PTPRN2: variants seen among roughly 807,000 people sequenced by gnomAD.
The protein encoded by PTPRN2 is receptor-type tyrosine-protein phosphatase N2.
PTPRN2 carries 74 observed loss-of-function variants against 118.8 expected under a neutral mutation model. The observed-to-expected ratio is 0.62, with a 90% CI of 0.52 to 0.76. The LOEUF (loss-of-function observed/expected upper bound fraction) is 0.76, where lower values mean the gene tolerates loss of function less well. Among genes scored for constraint, PTPRN2 ranks in the 30% least tolerant of loss-of-function variants. The pLI, the probability that PTPRN2 is intolerant of heterozygous loss-of-function variation, is 0.00. For missense variants in PTPRN2, 1,481 were observed against 1,394.4 expected, an observed-to-expected ratio of 1.06 and a Z score of -0.99; for synonymous variants, 641 against 608.0, an observed-to-expected ratio of 1.05 and a Z score of -0.80.
intron 2 of PTPRN2, among the ~76,000 whole-genome samples, chr7:158,419,515 T>C (rs1215206090): frequency 6.6e-6 from 1 of 151,910 alleles, no homozygotes; most frequent in Non-Finnish European, 1.5e-5. Flanking sequence ...CACAGACCCT[T>C]CCACATGGGA....
Position 157,618,828 on chromosome 7 carries a change from G to C in PTPRN2, c.2344+2534C>G, listed in dbSNP as rs1802966223. ...TTGCCGTTCTCTGTCTTCCCTGGTG[G>C]CCTCTCAACCCTGAAGGGCAGTGCT... is the stretch of plus-strand genomic sequence containing the variant. On this transcript the variant is annotated intron_variant, in intron 15 of 22. Coordinates refer to ENST00000389418, the MANE Select transcript of PTPRN2 (RefSeq NM_002847.5). The surrounding 1 kb of genome is among the most constrained non-coding windows in gnomAD (Gnocchi z 4.2). The C allele has an allele frequency of 6.6e-6, 1 of 151,830 alleles. No individual in the cohort carries two copies. The highest frequency in any genetic ancestry group is 1.5e-5 in the Non-Finnish European group (1 of 67,876). 9.4% of individuals were successfully genotyped at this position (151,830 alleles called of 1,614,324 possible). A position where few individuals can be genotyped will look rare whatever the true frequency, so the allele number is the denominator to read the frequency against.
chr7:157,692,627 C>G (rs1797562721), intron 12 of PTPRN2, among the ~76,000 whole-genome samples: 1 of 152,212 alleles, frequency 6.6e-6, no homozygotes, highest in Non-Finnish European at 1.5e-5. Flanking sequence ...AGCTCCAGGG[C>G]AAAGAAGTGG....
chr7:158,475,947 C>T (rs1820222756), intron 2 of PTPRN2, among the ~76,000 whole-genome samples: 1 of 152,218 alleles, frequency 6.6e-6, no homozygotes, highest in Non-Finnish European at 1.5e-5. Context: ...AAATCCAGGG[C>T]TGCACATCTG....
At chr7:158,577,989 G>A (rs1189322146) in intron 1 of PTPRN2, among the ~76,000 whole-genome samples, 3 of 152,202 alleles carry the variant, frequency 2.0e-5, no homozygotes, top group Non-Finnish European at 2.9e-5. Context: ...CAGGCCAGAG[G>A]GCAAAGCAAG....
At chr7:158,410,779 T>C (rs1309165201) in intron 2 of PTPRN2, among the ~76,000 whole-genome samples, 2 of 149,092 alleles carry the variant, frequency 1.3e-5, no homozygotes, top group African/African-American at 5.0e-5. Flanking sequence ...TTGACGTCCC[T>C]GTAGGGAGAG....
chr7:157,964,654 G>A lies in PTPRN2; in HGVS notation c.1724-65917C>T, dbSNP rs543855075. Reference sequence around the variant, plus strand: ...ACACCCTGTGATGGCCTTACTTGGCGTGTGGAGCTGTGACCACCAGGGCCA... The same window carrying A: ...ACACCCTGTGATGGCCTTACTTGGCATGTGGAGCTGTGACCACCAGGGCCA... On this transcript the variant is annotated intron_variant, in intron 11 of 22. Transcript: ENST00000389418. The surrounding 1 kb of genome is among the most constrained non-coding windows in gnomAD (Gnocchi z 9.0). Among the ~76,000 whole-genome samples the A allele has an allele frequency of 3.2e-4, 48 of 152,306 alleles. No individual in the cohort carries two copies. The highest frequency in any genetic ancestry group is 6.5e-4 in the African/African-American group (27 of 41,568).
chr7:158,193,905 C>CA (rs56234740), intron 4 of PTPRN2, among the ~76,000 whole-genome samples: 1,874 of 123,794 alleles, frequency 0.015, 18 homozygotes, highest in South Asian at 0.034. Flanking sequence ...GGCTCTGTCT[C>CA]AAAAAAAAAA....
At chr7:157,727,888 T>C (rs1461487446) in intron 12 of PTPRN2, among the ~76,000 whole-genome samples, 3 of 152,276 alleles carry the variant, frequency 2.0e-5, no homozygotes, top group Middle Eastern at 3.4e-3. Flanking sequence ...CCTGCACTGC[T>C]GCATCTCTGG....
At chr7:158,270,856 CCCCACCT>C (rs1798362891) in intron 3 of PTPRN2, among the ~76,000 whole-genome samples, 3 of 70,306 alleles carry the variant, frequency 4.3e-5, no homozygotes, top group African/African-American at 1.2e-4. Context: ...TGGACCGCCC[CCCCACCT>C]GGACCGCCCC....
intron 2 of PTPRN2, among the ~76,000 whole-genome samples, chr7:158,334,103 CTG>C (rs1563159330): frequency 1.3e-5 from 1 of 74,906 alleles, no homozygotes; most frequent in Admixed American, 1.6e-4. Flanking sequence ...GAGGTGACAC[CTG>C]CAGACGTCAC....
intron 12 of PTPRN2, among the ~76,000 whole-genome samples, chr7:157,689,454 C>A (rs1225213815): frequency 6.6e-6 from 1 of 152,210 alleles, no homozygotes; most frequent in Non-Finnish European, 1.5e-5. Context: ...CGGGGCCCCT[C>A]TCCCAGCCGT....
intron 3 of PTPRN2, among the ~76,000 whole-genome samples, chr7:158,253,681 G>A (rs1796835660): frequency 6.6e-6 from 1 of 152,218 alleles, no homozygotes; most frequent in Non-Finnish European, 1.5e-5. Context: ...CAAGACTGGG[G>A]ACTTCCTTGA....
chr7:158,138,223 C>T, intron 7 of PTPRN2, 71 bp downstream of exon 7: 1 of 1,393,580 alleles, frequency 7.2e-7, no homozygotes, highest in Non-Finnish European at 9.9e-7. Context: ...AGCCAGCAGT[C>T]TCTGCACAGC....
intron 13 of PTPRN2, among the ~76,000 whole-genome samples, chr7:157,656,816 CATACACACACACAT>C (rs1334462659): frequency 8.0e-6 from 1 of 125,318 alleles, no homozygotes; most frequent in Non-Finnish European, 1.8e-5. Context: ...TACAAACACA[CATACACACACACAT>C]ATACACACAC....
chr7:158,019,087 G>A (rs10949689), intron 11 of PTPRN2, among the ~76,000 whole-genome samples: 91,744 of 151,984 alleles, frequency 0.6, 28,378 homozygotes, highest in East Asian at 0.76. Context: ...ATGAGATACC[G>A]TGTAACTGTA....
chr7:158,545,465 C>T (rs1826223684), intron 1 of PTPRN2, among the ~76,000 whole-genome samples: 1 of 152,216 alleles, frequency 6.6e-6, no homozygotes. Flanking sequence ...TCCTTTTCTG[C>T]ACCCTTCCAG....
intron 11 of PTPRN2, among the ~76,000 whole-genome samples, chr7:158,046,307 C>T (rs144311262): frequency 0.011 from 1,441 of 134,372 alleles, 9 homozygotes; most frequent in Non-Finnish European, 0.015. Flanking sequence ...CCTGACGCTG[C>T]GATCCTGGCA....
chr7:157,716,768 C>T lies in PTPRN2; in HGVS notation c.1789-33831G>A, dbSNP rs574451099. Among the ~76,000 whole-genome samples, 2 of 56,604 alleles carry T rather than the reference C, an allele frequency of 3.5e-5. 1 individual carries two copies. The highest frequency in any genetic ancestry group is 1.9e-4 in the African/African-American group (2 of 10,518). 37.1% of individuals were successfully genotyped at this position (56,604 alleles called of 152,430 possible). A position where few individuals can be genotyped will look rare whatever the true frequency, so the allele number is the denominator to read the frequency against. ...ACACTGCCTGGTCACACAGACTCTG[C>T]GGGAACACTGCCTGGCCACGTAGAC... On this transcript the variant is annotated intron_variant, in intron 12 of 22. Coordinates refer to ENST00000389418, the MANE Select transcript of PTPRN2 (RefSeq NM_002847.5).
At chr7:157,682,227 C>T (rs967335940) in intron 13 of PTPRN2, among the ~76,000 whole-genome samples, 11 of 152,060 alleles carry the variant, frequency 7.2e-5, no homozygotes, top group South Asian at 4.1e-4. Context: ...CTCATGGGGA[C>T]GCGTGTGGGT....
Sources: gnomAD v4.1 joint callset for allele counts (sites outside exome capture counted in the v4.1 genomes callset) on GRCh38, gnomAD v4.1.1 for gene constraint, Gnocchi (gnomAD v3.1) non-coding constraint, MANE v1.5 for transcripts, NCBI Gene and HGNC (gene_info 2026-07-23, HGNC 2026-07-21) for gene names.